The following PNPLA6 variants were observed in gnomAD, a reference collection of about 807,000 sequenced individuals.
PNPLA6 encodes the protein patatin like domain 6, lysophospholipase, also known as patatin-like phospholipase domain-containing protein 6.
A neutral mutation model predicts 153.7 loss-of-function variants in PNPLA6; 105 were observed. The ratio of observed to expected loss-of-function variants is 0.68; its 90% CI spans 0.58 to 0.80. PNPLA6 has a LOEUF of 0.80. Among genes scored for constraint, PNPLA6 ranks in the 30% least tolerant of loss-of-function variants. PNPLA6 has a pLI of 0.00. For missense variants in PNPLA6, 1,423 were observed against 1,919.3 expected (o/e 0.74, Z 4.83); for synonymous variants, 825 against 822.2 (o/e 1.00, Z -0.06).
intron 27 of PNPLA6, chr19:7,557,556 G>A (rs1425562938): frequency 2.1e-6 from 1 of 480,770 alleles, no homozygotes; most frequent in East Asian, 4.4e-5. Context: ...GCCTGAGGTG[G>A]GTGGATCACC....
chr19:7,553,575 T>G (rs1034044508), intron 18 of PNPLA6, among the ~76,000 whole-genome samples: 1 of 152,188 alleles, frequency 6.6e-6, no homozygotes, highest in South Asian at 2.1e-4. Flanking sequence ...CCAAGCACAG[T>G]GAATCTGAAT....
At chr19:7,536,929 A>G (rs1599265558) in intron 3 of PNPLA6, among the ~76,000 whole-genome samples, 1 of 115,068 alleles carries the variant, frequency 8.7e-6, no homozygotes, top group East Asian at 2.2e-4. Flanking sequence ...TCTGTCTCAA[A>G]AAAAAAAAAA....
chr19:7,535,671 C>G (rs2022821734), upstream of PNPLA6: 4 of 1,535,434 alleles, frequency 2.6e-6, no homozygotes, highest in Non-Finnish European at 3.5e-6. The surrounding 1 kb of genome is among the most constrained non-coding windows in gnomAD (Gnocchi z 5.0). Context: ...CGTGGTCTGG[C>G]GATAACGCGC....
At chr19:7,547,667 T>C (rs2023439499) in intron 13 of PNPLA6, among the ~76,000 whole-genome samples, 1 of 152,014 alleles carries the variant, frequency 6.6e-6, no homozygotes, top group South Asian at 2.1e-4. Context: ...AGACGGGGTC[T>C]TGCACTGTAG....
intron 3 of PNPLA6, among the ~76,000 whole-genome samples, chr19:7,536,825 G>A (rs951232720): frequency 9.9e-5 from 15 of 151,746 alleles, no homozygotes; most frequent in Admixed American, 6.6e-4. Flanking sequence ...TACTCAGAAG[G>A]GTGAGACAGG....
At position 7,542,064 on chromosome 19, in the gene PNPLA6, T is replaced by TGG. The variant is rs752719270; in HGVS notation, c.1249_1250insGG (p.Ser417TrpfsTer91). ...CTGCGTCTCCATGCCAGGGGACATC[T>TGG]CAGGTTTGGAGCACTGGGTCTGCGG... On this transcript the variant is annotated frameshift_variant, in exon 10 of 32. Coordinates refer to ENST00000600737, the MANE Select transcript of PNPLA6 (RefSeq NM_001166114.2). LOFTEE classifies it high-confidence loss of function. 6.2e-7 allele frequency: 1 copy of TGG among 1,605,562 alleles called. No individual in the cohort carries two copies. Among genetic ancestry groups the TGG allele is most frequent in the Non-Finnish European group, 8.5e-7 (1 of 1,179,750 alleles).
intron 14 of PNPLA6, 25 bp from the exon 15 acceptor site, chr19:7,550,273 T>A (rs755317613): frequency 3.1e-6 from 5 of 1,612,808 alleles, no homozygotes; most frequent in Non-Finnish European, 4.2e-6. Context: ...GGCCTTCCTC[T>A]TTCATCCCAA....
rs28567558 is a variant in PNPLA6, at chr19:7,539,340, G to A, written c.414-578G>A. Among the ~76,000 whole-genome samples the A allele has an allele frequency of 8.6e-3, 1,302 of 152,188 alleles. 22 individuals carry two copies. Among genetic ancestry groups the A allele is most frequent in the African/African-American group, 0.03 (1,228 of 41,516 alleles). ...TAAAAATACAAAAAATTAGCTGGGC[G>A]TGGTGGCACCCACCTGTAGTCCCAG... On this transcript the variant is annotated intron_variant, in intron 3 of 31. Coordinates refer to ENST00000600737, the MANE Select transcript of PNPLA6 (RefSeq NM_001166114.2).
chr19:7,534,222 C>G (rs920873584), upstream of PNPLA6: 1 of 327,162 alleles, frequency 3.1e-6, no homozygotes, highest in African/African-American at 2.1e-5. Context: ...CGGAGTGGAC[C>G]CCGGCTGCGG....
chr19:7,561,350 C>T (rs2146124035), intron 31 of PNPLA6, 33 bp downstream of exon 31: 1 of 1,504,272 alleles, frequency 6.6e-7, no homozygotes, highest in African/African-American at 1.4e-5. Flanking sequence ...CCCCTCACAT[C>T]CCCCAGAGGG....
intron 18 of PNPLA6, among the ~76,000 whole-genome samples, 176 bp from the exon 19 acceptor site, chr19:7,553,699 C>T (rs559887053): frequency 6.6e-6 from 1 of 152,296 alleles, no homozygotes; most frequent in South Asian, 2.1e-4. Flanking sequence ...GGTCCAGGAC[C>T]AGAGCCATGG....
intron 13 of PNPLA6, 57 bp from the exon 14 acceptor site, chr19:7,549,850 T>G: frequency 1.9e-6 from 3 of 1,544,172 alleles, no homozygotes; most frequent in African/African-American, 1.4e-5. Flanking sequence ...CATGTTGACC[T>G]GAGCTGGGGT....
Position 7,554,293 on chromosome 19 carries a change from TG to T in PNPLA6, c.2465+25del. ...GATAGGTGTGTGTTGCAGAAGGGAG[TG>T]GGGAGGGTGGTGGGTGGGCCTGGAG... On this transcript the variant is annotated intron_variant, in intron 20 of 31. Transcript: ENST00000600737. The T allele has an allele frequency of 2.5e-6, 4 of 1,597,916 alleles. No homozygotes were observed. The South Asian group carries it at 4.4e-5, about 18-fold the overall frequency.
In PNPLA6 at chr19:7,549,971, C is replaced by A. The variant is rs1473620669; in HGVS notation, c.1673C>A (p.Ala558Glu). 3.1e-6 allele frequency: 5 copies of A among 1,613,920 alleles called. No homozygotes were observed. In the East Asian group the frequency reaches 8.9e-5, roughly 29 times the overall value. Reference protein sequence around the residue: ...LHVYQRMIDKAEDVCLFVAQP... With the variant: ...LHVYQRMIDKEEDVCLFVAQP... ...GTGTACCAGCGCATGATCGACAAGG[C>A]GGAGGACGTGTGCCTGTTCGTAGCG... is the stretch of plus-strand genomic sequence containing the variant. The change falls in exon 14 of 32, where the codon GCG becomes GAG. Residue 558 changes from alanine (A) to glutamate (E), a missense_variant. This residue lies in a region of PNPLA6 where 119 missense variants were observed against 163.7 expected (regional missense o/e 0.73). Coordinates refer to ENST00000600737, the MANE Select transcript of PNPLA6 (RefSeq NM_001166114.2).
chr19:7,551,274 C>T (rs1023218324), intron 17 of PNPLA6, 88 bp from the exon 18 acceptor site: 2 of 1,393,326 alleles, frequency 1.4e-6, no homozygotes, highest in East Asian at 4.6e-5. Flanking sequence ...GTAACGGGCA[C>T]CCAGGAGCCC....
chr19:7,542,861 A>G lies in PNPLA6; in HGVS notation c.1463A>G (p.Gln488Arg). 2.5e-6 allele frequency: 4 copies of G among 1,613,070 alleles called. No homozygotes were observed. The highest frequency in any genetic ancestry group is 2.2e-5 in the South Asian group (2 of 91,090). Residue 488 changes from glutamine to arginine, a missense_variant, in exon 12 of 32, where the codon CAG (glutamine) becomes CGG (arginine). Physicochemically the swap from Gln to Arg is conservative, Grantham distance 43. This residue lies in a region of PNPLA6 where 267 missense variants were observed against 255.1 expected (regional missense o/e 1.05). Coordinates refer to ENST00000600737, the MANE Select transcript of PNPLA6 (RefSeq NM_001166114.2). ...GGTGGCTGCCCTTTCGGGCCCTACC[A>G]GGGCCGCCAGACCAGCAGCATCTTC... The part of the protein sequence containing the change: ...ATGGCPFGPY[Q>R]GRQTSSIFEA...
chr19:7,535,575 A>G (rs767760553), upstream of PNPLA6: 4 of 1,605,378 alleles, frequency 2.5e-6, no homozygotes, highest in Non-Finnish European at 3.4e-6. This position sits in a 1 kb window ranked among gnomAD's most constrained non-coding sequence, Gnocchi z 5.0. Context: ...GCAAACTGGA[A>G]TGGTAAGGGG....
At position 7,560,674 on chromosome 19, in the gene PNPLA6, G is replaced by A. The variant is rs146121276; in HGVS notation, c.3726G>A (p.Ala1242=). Residue 1242 remains alanine, a synonymous_variant, in exon 29 of 32, where the codon GCG becomes GCA. Coordinates refer to ENST00000600737, the MANE Select transcript of PNPLA6 (RefSeq NM_001166114.2). ...ATGTGGGCTACCAGTACGGGAAGGCGGTGTTTGGAGGCTGGAGCCGTGGCA... is the reference window on the plus strand; with the variant it reads ...ATGTGGGCTACCAGTACGGGAAGGCAGTGTTTGGAGGCTGGAGCCGTGGCA... ...IYDVGYQYGK[A]VFGGWSRGNV... The A allele has an allele frequency of 1.8e-4, 294 of 1,613,636 alleles. No homozygotes were observed. The highest frequency in any genetic ancestry group is 4.9e-4 in the Middle Eastern group (3 of 6,062).
upstream of PNPLA6, chr19:7,535,610 G>C: frequency 6.3e-7 from 1 of 1,593,062 alleles, no homozygotes; most frequent in South Asian, 1.1e-5. This position sits in a 1 kb window ranked among gnomAD's most constrained non-coding sequence, Gnocchi z 5.0. Context: ...GGTAGGTGCC[G>C]GCGTGGGGCG....
Sources: allele counts gnomAD v4.1 joint callset (sites outside exome capture counted in the v4.1 genomes callset), GRCh38; gene constraint gnomAD v4.1.1; regional missense constraint gnomAD v4.1.1; non-coding constraint Gnocchi (gnomAD v3.1); transcripts MANE v1.5; gene names NCBI Gene and HGNC (gene_info 2026-07-23, HGNC 2026-07-21).